The following ABI2 variants were observed in gnomAD, a reference collection of about 807,000 sequenced individuals.
ABI2 encodes the protein abl interactor 2.
In ABI2, 25 loss-of-function variants were observed where a neutral mutation model predicts 59.2. The observed-to-expected ratio is 0.42, with a 90% confidence interval of 0.31 to 0.59. The LOEUF (loss-of-function observed/expected upper bound fraction) is 0.59. Among genes scored for constraint, ABI2 ranks in the 20% least tolerant of loss-of-function variants. The probability of loss-of-function intolerance (pLI) is 0.14; values close to 1 mark genes in which losing one functional copy is unlikely to be tolerated. For missense variants in ABI2, 545 were observed against 681.8 expected, an observed-to-expected ratio of 0.80 and a Z score of 2.23; for synonymous variants, 213 against 235.5, an observed-to-expected ratio of 0.90 and a Z score of 0.87.
chr2:203,405,270 T>C (rs1239492748), intron 9 of ABI2, among the ~76,000 whole-genome samples: 1 of 152,268 alleles, frequency 6.6e-6, no homozygotes, highest in African/African-American at 2.4e-5. Context: ...GAGTACTTTT[T>C]GTAAACTAAT....
At chr2:203,376,872 G>T (rs2095738821) in intron 2 of ABI2, among the ~76,000 whole-genome samples, 2 of 151,668 alleles carry the variant, frequency 1.3e-5, no homozygotes, top group South Asian at 2.1e-4. Context: ...AAGATCAAAT[G>T]AACAGATTTC....
rs145588832 is a variant in ABI2, at chr2:203,415,542, G to A, written c.1280-1366G>A. 3.3e-3 allele frequency among the ~76,000 whole-genome samples: 484 copies of A among 148,482 alleles called. 4 individuals are homozygous for A. The highest frequency in any genetic ancestry group is 0.011 in the African/African-American group (448 of 40,130). Reference sequence around the variant, plus strand: ...TGAGGCAGGAGATTGGCATGAACCCGGGAGGCAGAGCTTGCAATGAGCCGA... The same window carrying A: ...TGAGGCAGGAGATTGGCATGAACCCAGGAGGCAGAGCTTGCAATGAGCCGA... On this transcript the variant is annotated intron_variant, in intron 10 of 11. Transcript: ENST00000261018.
intron 1 of ABI2, among the ~76,000 whole-genome samples, chr2:203,358,105 GTGTGTGTGTTTGTT>G (rs1299494710): frequency 3.7e-4 from 54 of 146,564 alleles, no homozygotes; most frequent in Admixed American, 1.2e-3. Flanking sequence ...GTGTGTGTGT[GTGTGTGTGTTTGTT>G]TGTTTGTTTG....
chr2:203,418,818 A>G (rs1559382383), intron 11 of ABI2, among the ~76,000 whole-genome samples: 3 of 152,252 alleles, frequency 2.0e-5, no homozygotes, highest in South Asian at 2.1e-4. Flanking sequence ...CCACAAAACT[A>G]TAAACTCACA....
chr2:203,359,379 T>G (rs930788298), intron 1 of ABI2, among the ~76,000 whole-genome samples: 7 of 152,164 alleles, frequency 4.6e-5, no homozygotes, highest in Non-Finnish European at 1.0e-4. Flanking sequence ...TAATTTAGAG[T>G]ATTCAGCCTG....
chr2:203,371,236 C>T (rs936846797), intron 2 of ABI2, among the ~76,000 whole-genome samples: 1 of 152,210 alleles, frequency 6.6e-6, no homozygotes, highest in African/African-American at 2.4e-5. Flanking sequence ...TCTCAACCCT[C>T]TATTACTTTA....
chr2:203,383,981 A>T (rs1276099360), intron 4 of ABI2, among the ~76,000 whole-genome samples: 1 of 152,152 alleles, frequency 6.6e-6, no homozygotes, highest in African/African-American at 2.4e-5. Flanking sequence ...AGGACCAGAC[A>T]TGTGGGATTT....
At position 203,429,644 on chromosome 2, in the gene ABI2, C is replaced by T. The variant is rs1479532508; in HGVS notation, c.*2292C>T. On this transcript the variant is annotated 3_prime_UTR_variant, in exon 12 of 12. Transcript: ENST00000261018. ...TGGTGGCGCACACCTGTAGTCCCAG[C>T]TACTTGGGAGGCTGAGGCAGGAGAA... 1 of 152,054 alleles carries T rather than the reference C, an allele frequency of 6.6e-6. No homozygotes were observed. The highest frequency in any genetic ancestry group is 1.9e-4 in the East Asian group (1 of 5,182). The allele number at this position is 152,054 out of a possible 1,614,324, so 9.4% of individuals were successfully genotyped here.
intron 1 of ABI2, 32 bp downstream of exon 1, chr2:203,328,663 G>T (rs2070102961): frequency 2.1e-6 from 3 of 1,461,488 alleles, no homozygotes; most frequent in Non-Finnish European, 2.7e-6. Context: ...GCCGCGTCGG[G>T]GACCCCCCCG....
At chr2:203,387,076 T>C (rs62183955) in intron 4 of ABI2, among the ~76,000 whole-genome samples, 28 of 68,282 alleles carry the variant, frequency 4.1e-4, no homozygotes, top group East Asian at 3.5e-3. Flanking sequence ...TTTTTTTTTT[T>C]CCCCACATGC....
rs1559417054 is a variant in ABI2 at position 203,429,821 on chromosome 2, CAG to C, written c.*2472_*2473del. The C allele has an allele frequency of 1.3e-5, 2 of 150,448 alleles. No homozygotes were observed. Among genetic ancestry groups the C allele is most frequent in the East Asian group, 2.0e-4 (1 of 5,110 alleles). 9.3% of individuals were successfully genotyped at this position (150,448 alleles called of 1,614,324 possible). ...GCAGGGAAGACAACTATGCAGAAAA[CAG>C]AGTTAGTGGCGGTCAGCAGGAATGC... On this transcript the variant is annotated 3_prime_UTR_variant, in exon 12 of 12. Transcript: ENST00000261018.
At chr2:203,423,614 G>A (rs777308401) in intron 11 of ABI2, among the ~76,000 whole-genome samples, 80 of 152,212 alleles carry the variant, frequency 5.3e-4, no homozygotes, top group Admixed American at 1.2e-3. Context: ...TAGTAGAGGC[G>A]GGGTTTCACC....
chr2:203,372,729 C>T (rs1421726472), intron 2 of ABI2, among the ~76,000 whole-genome samples: 3 of 150,614 alleles, frequency 2.0e-5, no homozygotes, highest in East Asian at 2.0e-4. Flanking sequence ...GGCTGCCGGG[C>T]GGAGGGGCTC....
intron 11 of ABI2, among the ~76,000 whole-genome samples, chr2:203,423,124 T>C (rs527937566): frequency 6.6e-6 from 1 of 152,354 alleles, no homozygotes; most frequent in South Asian, 2.1e-4. Context: ...TTAGTTCAGA[T>C]CAGTCACTTC....
chr2:203,405,556 A>C (rs986365794), intron 9 of ABI2, among the ~76,000 whole-genome samples: 2 of 152,202 alleles, frequency 1.3e-5, no homozygotes, highest in South Asian at 4.1e-4. Context: ...TCTCAAAAAA[A>C]AAAAATTATG....
At chr2:203,347,566 T>G (rs527821130) in intron 1 of ABI2, among the ~76,000 whole-genome samples, 1 of 152,234 alleles carries the variant, frequency 6.6e-6, no homozygotes, top group African/African-American at 2.4e-5. Context: ...ATCTCCACCA[T>G]GTGCCAAGCC....
intron 4 of ABI2, among the ~76,000 whole-genome samples, chr2:203,382,510 G>A (rs2096203335): frequency 6.6e-6 from 1 of 152,122 alleles, no homozygotes; most frequent in Non-Finnish European, 1.5e-5. Context: ...TTGTGAAACT[G>A]AAATGTAAGC....
At chr2:203,369,348 G>A (rs1195103624) in intron 2 of ABI2, among the ~76,000 whole-genome samples, 1 of 152,056 alleles carries the variant, frequency 6.6e-6, no homozygotes, top group Non-Finnish European at 1.5e-5. Context: ...TAGGCATTAG[G>A]GGAGAGTAGG....
At position 203,394,732 on chromosome 2, in the gene ABI2, T is replaced by C. The variant is rs1306953599; in HGVS notation, c.611T>C (p.Val204Ala). Residue 204 changes from valine to alanine, a missense_variant, in exon 6 of 12, where the codon GTG (valine) becomes GCG (alanine). Around this residue, in one of 4 missense-constraint regions of ABI2, gnomAD observed 410 missense variants for 435.6 expected, o/e 0.94. Transcript: ENST00000261018. ...RHSPYRTLEPVRPPVVPNDYV... is the reference protein window; with the variant it reads ...RHSPYRTLEPARPPVVPNDYV... ...TCCCCCTATCGCACACTGGAGCCAG[T>C]GCGTCCTCCAGTGGTACCAAATGAT... 1.2e-6 allele frequency: 2 copies of C among 1,614,098 alleles called. No individual in the cohort carries two copies. The highest frequency in any genetic ancestry group is 1.7e-5 in the Admixed American group (1 of 60,020).
Sources: gnomAD v4.1 joint callset for allele counts (sites outside exome capture counted in the v4.1 genomes callset) on GRCh38, gnomAD v4.1.1 for gene constraint, gnomAD v4.1.1 regional missense constraint, MANE v1.5 for transcripts, NCBI Gene and HGNC (gene_info 2026-07-23, HGNC 2026-07-21) for gene names.